The following USP46 variants were observed in gnomAD, a reference collection of about 807,000 sequenced individuals.
USP46 encodes ubiquitin specific peptidase 46.
In USP46, 12 loss-of-function variants were observed where a neutral mutation model predicts 44.4. The observed-to-expected ratio is 0.27, with a 90% CI of 0.17 to 0.44. USP46 has a LOEUF of 0.44. Among genes scored for constraint, USP46 ranks in the 20% least tolerant of loss-of-function variants. USP46 has a pLI of 1.00. For missense variants in USP46, 248 were observed against 444.8 expected, an observed-to-expected ratio of 0.56 and a Z score of 3.98; for synonymous variants, 155 against 161.5, an observed-to-expected ratio of 0.96 and a Z score of 0.31.
intron 1 of USP46, among the ~76,000 whole-genome samples, chr4:52,657,390 G>T (rs1325338656): frequency 6.6e-6 from 1 of 152,124 alleles, no homozygotes. Flanking sequence ...CGTGGGGGGA[G>T]GTTGGGGGCT....
intron 1 of USP46, among the ~76,000 whole-genome samples, chr4:52,641,451 C>T (rs1411524354): frequency 6.6e-6 from 1 of 152,012 alleles, no homozygotes; most frequent in Non-Finnish European, 1.5e-5. Flanking sequence ...TAACAAAATC[C>T]CAGGAAGGAT....
chr4:52,631,163 A>G lies in USP46; in HGVS notation c.37-19T>C, dbSNP rs1717811106. The G allele has an allele frequency of 3.2e-6, 5 of 1,544,464 alleles. No individual in the cohort carries two copies. In the South Asian group the frequency reaches 3.6e-5, roughly 11 times the overall value. ...TGGTGCCCTAAAAGAGAAAAATAGC[A>G]AAAGTTCTGTTGCATGTAAAATAGA... is the stretch of plus-strand genomic sequence containing the variant. On this transcript the variant is annotated intron_variant, in intron 1 of 8. Coordinates refer to ENST00000441222, the MANE Select transcript of USP46 (RefSeq NM_022832.4).
intron 1 of USP46, among the ~76,000 whole-genome samples, chr4:52,650,318 T>C (rs917507358): frequency 1.3e-5 from 2 of 152,242 alleles, no homozygotes; most frequent in African/African-American, 4.8e-5. Context: ...TCAAATATAC[T>C]TGTTGAGTAA....
intron 1 of USP46, chr4:52,655,311 G>A (rs1718910891): frequency 6.6e-6 from 1 of 152,150 alleles, no homozygotes; most frequent in African/African-American, 2.4e-5. Flanking sequence ...CATTTATTAA[G>A]CACTTGAGTA....
chr4:52,626,873 T>A (rs538711741), intron 3 of USP46, among the ~76,000 whole-genome samples: 10 of 152,352 alleles, frequency 6.6e-5, no homozygotes, highest in African/African-American at 2.2e-4. Flanking sequence ...AATATCAATT[T>A]TTAATATGAT....
intron 1 of USP46, among the ~76,000 whole-genome samples, chr4:52,633,000 A>AAGAAAG (rs1268174172): frequency 1.6e-5 from 2 of 124,680 alleles, no homozygotes. Context: ...AAAAGAAAGA[A>AAGAAAG]AGAAAGAAAG....
intron 5 of USP46, among the ~76,000 whole-genome samples, chr4:52,608,498 G>A (rs1716790741): frequency 6.6e-6 from 1 of 152,266 alleles, no homozygotes; most frequent in African/African-American, 2.4e-5. Context: ...AGGAGCTGAG[G>A]AGATGAATAC....
At position 52,597,154 on chromosome 4, in the gene USP46, C is replaced by T. The variant is rs145360570; in HGVS notation, c.*486G>A. 2 of 153,892 alleles carry T rather than the reference C, an allele frequency of 1.3e-5. No homozygotes were observed. The highest frequency in any genetic ancestry group is 3.8e-4 in the East Asian group (2 of 5,208). 9.5% of individuals were successfully genotyped at this position (153,892 alleles called of 1,614,324 possible). ...TTGCACAAACTTAAAGCTATACTTG[C>T]ACCCCTAAAAGGTGAATATCTACCC... On this transcript the variant is annotated 3_prime_UTR_variant, in exon 9 of 9. Coordinates refer to ENST00000441222, the MANE Select transcript of USP46 (RefSeq NM_022832.4).
At chr4:52,647,671 T>C (rs1322314035) in intron 1 of USP46, among the ~76,000 whole-genome samples, 4 of 152,224 alleles carry the variant, frequency 2.6e-5, no homozygotes, top group Non-Finnish European at 5.9e-5. Context: ...TGTCTTCCAA[T>C]GGCATTTTTG....
intron 4 of USP46, among the ~76,000 whole-genome samples, chr4:52,624,236 G>A (rs565199643): frequency 6.0e-4 from 91 of 152,276 alleles, no homozygotes; most frequent in African/African-American, 2.1e-3. Flanking sequence ...GGAATGTAAA[G>A]TAGAAAGGAA....
chr4:52,620,278 T>C (rs901678633), intron 4 of USP46, among the ~76,000 whole-genome samples: 1 of 152,082 alleles, frequency 6.6e-6, no homozygotes, highest in African/African-American at 2.4e-5. Context: ...AAAATCCACA[T>C]AGAGTAAAGA....
chr4:52,592,863 G>A lies in USP46; in HGVS notation c.*4777C>T. The A allele has an allele frequency of 2.5e-6, 1 of 398,034 alleles. No individual in the cohort carries two copies. Among genetic ancestry groups the A allele is most frequent in the Non-Finnish European group, 4.4e-6 (1 of 225,988 alleles). The allele number at this position is 398,034 out of a possible 1,614,324, so 24.7% of individuals were successfully genotyped here. A position where few individuals can be genotyped will look rare whatever the true frequency, so the allele number is the denominator to read the frequency against. ...AAAAAAAAAAAGGAAAGAAAAGTGT[G>A]TAACCCCTCCCCCTTTGCTCTCTTC... On this transcript the variant is annotated 3_prime_UTR_variant, in exon 9 of 9. Transcript: ENST00000441222.
chr4:52,610,656 T>C, intron 4 of USP46, 39 bp from the exon 5 acceptor site: 2 of 1,590,580 alleles, frequency 1.3e-6, no homozygotes, highest in Non-Finnish European at 1.7e-6. Flanking sequence ...AGGCATGAAA[T>C]ATGTAGTAGA....
In USP46 at chr4:52,659,120, T is replaced by C. The variant is rs1390367650; in HGVS notation, c.31A>G (p.Asn11Asp). 6.4e-7 allele frequency: 1 copy of C among 1,567,982 alleles called. No individual in the cohort carries two copies. Among genetic ancestry groups the C allele is most frequent in the Non-Finnish European group, 8.6e-7 (1 of 1,158,480 alleles). The change falls in exon 1 of 9, where the codon AAT (asparagine) becomes GAT (aspartate). Residue 11 changes from asparagine to aspartate, a missense_variant. Asn to Asp is a conservative substitution (Grantham distance 23, BLOSUM62 1). Around this residue, in one of 5 missense-constraint regions of USP46, gnomAD observed 31 missense variants for 32.5 expected, o/e 0.96. Coordinates refer to ENST00000441222, the MANE Select transcript of USP46 (RefSeq NM_022832.4). The surrounding 1 kb of genome is among the most constrained non-coding windows in gnomAD (Gnocchi z 4.2). ...GAGGCGGCTCGGCCACTCACCATATTACAGATGGAGGCGATGTTTCGGACA... is the reference window on the plus strand; with the variant it reads ...GAGGCGGCTCGGCCACTCACCATATCACAGATGGAGGCGATGTTTCGGACA... MTVRNIASIC[N>D]MGTNASALEK...
At chr4:52,638,610 C>T (rs1718210178) in intron 1 of USP46, among the ~76,000 whole-genome samples, 1 of 147,720 alleles carries the variant, frequency 6.8e-6, no homozygotes, top group Non-Finnish European at 1.5e-5. Flanking sequence ...CTGTCCAATG[C>T]CCTAAATTAT....
In USP46 at chr4:52,593,359, C is replaced by T. The variant is rs1269930993; in HGVS notation, c.*4281G>A. On this transcript the variant is annotated 3_prime_UTR_variant, in exon 9 of 9. Coordinates refer to ENST00000441222, the MANE Select transcript of USP46 (RefSeq NM_022832.4). ...AGACAGAAGTGACCTTCCCAACAGT[C>T]TCTGTTCCAGCTCAGTCAGGTTCAA... is the stretch of plus-strand genomic sequence containing the variant. 6.3e-6 allele frequency: 1 copy of T among 157,852 alleles called. No individual in the cohort carries two copies. Among genetic ancestry groups the T allele is most frequent in the Non-Finnish European group, 1.4e-5 (1 of 71,778 alleles). 9.8% of individuals were successfully genotyped at this position (157,852 alleles called of 1,614,324 possible). A position where few individuals can be genotyped will look rare whatever the true frequency, so the allele number is the denominator to read the frequency against.
intron 4 of USP46, among the ~76,000 whole-genome samples, chr4:52,621,374 T>G (rs6554557): frequency 0.18 from 27,724 of 152,164 alleles, 3,142 homozygotes; most frequent in African/African-American, 0.33. Context: ...CTATTAATGT[T>G]ACTGCACACT....
At chr4:52,614,106 G>A (rs1717034837) in intron 4 of USP46, among the ~76,000 whole-genome samples, 1 of 152,118 alleles carries the variant, frequency 6.6e-6, no homozygotes, top group South Asian at 2.1e-4. Context: ...AAGTGAATAT[G>A]AAGACAGATC....
At chr4:52,630,988 T>C (rs1263004153) in intron 2 of USP46, 76 bp downstream of exon 2, 9 of 1,261,078 alleles carry the variant, frequency 7.1e-6, no homozygotes, top group South Asian at 6.8e-5. Context: ...TTGGTAGTGA[T>C]AAAAATGCAC....
Sources: allele counts gnomAD v4.1 joint callset (sites outside exome capture counted in the v4.1 genomes callset), GRCh38; gene constraint gnomAD v4.1.1; regional missense constraint gnomAD v4.1.1; non-coding constraint Gnocchi (gnomAD v3.1); transcripts MANE v1.5; gene names NCBI Gene and HGNC (gene_info 2026-07-23, HGNC 2026-07-21).